The following EMCN variants were observed in gnomAD, a reference collection of about 807,000 sequenced individuals.
EMCN encodes endomucin, also known as MUC-14.
EMCN carries 37 observed loss-of-function variants against 38.4 expected under a neutral mutation model. The ratio of observed to expected loss-of-function variants is 0.96; its 90% CI spans 0.74 to 1.27. The LOEUF (loss-of-function observed/expected upper bound fraction) is 1.27. Among genes scored for constraint, EMCN ranks in the 50% most tolerant of loss-of-function variants. EMCN has a pLI of 0.00. For missense variants in EMCN, 318 were observed against 302.8 expected (o/e 1.05, Z -0.37); for synonymous variants, 95 against 100.8 (o/e 0.94, Z 0.35).
At chr4:100,446,743 C>T (rs1049716798) in intron 5 of EMCN, among the ~76,000 whole-genome samples, 2 of 152,120 alleles carry the variant, frequency 1.3e-5, no homozygotes, top group African/African-American at 2.4e-5. Flanking sequence ...CCTCCTCCTA[C>T]CCTCCACCCT....
At chr4:100,430,993 C>T (rs1483663531) in intron 5 of EMCN, among the ~76,000 whole-genome samples, 1 of 152,120 alleles carries the variant, frequency 6.6e-6, no homozygotes, top group Admixed American at 6.6e-5. Flanking sequence ...AAATAAACTA[C>T]CCCCTATAGA....
intron 10 of EMCN, among the ~76,000 whole-genome samples, chr4:100,412,995 C>G (rs964767): frequency 2.0e-5 from 3 of 152,110 alleles, no homozygotes; most frequent in Admixed American, 6.6e-5. Context: ...TTTGGCATCC[C>G]TTGGCATTTT....
At position 100,475,129 on chromosome 4, in the gene EMCN, T is replaced by G; in HGVS notation, c.188-20A>C. 1 of 1,246,474 alleles carries G rather than the reference T, an allele frequency of 8.0e-7. No homozygotes were observed. The highest frequency in any genetic ancestry group is 1.6e-5 in the South Asian group (1 of 60,876). 77.2% of individuals were successfully genotyped at this position (1,246,474 alleles called of 1,614,324 possible). A position where few individuals can be genotyped will look rare whatever the true frequency, so the allele number is the denominator to read the frequency against. On this transcript the variant is annotated intron_variant, in intron 2 of 11. Coordinates refer to ENST00000296420, the MANE Select transcript of EMCN (RefSeq NM_016242.4). The stretch of plus-strand genomic sequence containing the variant: ...TTGTTCCTAGTTTGATAAAATAGAT[T>G]AAATTATTATTAATCATAATCTCAT...
At chr4:100,450,971 G>C (rs868855420) in intron 4 of EMCN, among the ~76,000 whole-genome samples, 5 of 151,686 alleles carry the variant, frequency 3.3e-5, no homozygotes, top group African/African-American at 1.2e-4. Flanking sequence ...CAGTTTACTT[G>C]GTTATTTTAA....
Position 100,421,347 on chromosome 4 carries a change from A to T in EMCN, c.599T>A (p.Ile200Asn). ...SIILPVVIAL[I>N]VITLSVFVLV... Reference sequence around the variant, plus strand: ...AACAAATACTGAAAGTGTTATTACAATCAAAGCAATAACCACCGGCAAAAT... The same window carrying T: ...AACAAATACTGAAAGTGTTATTACATTCAAAGCAATAACCACCGGCAAAAT... Residue 200 changes from isoleucine to asparagine, a missense_variant, in exon 8 of 12, where the codon ATT (isoleucine) becomes AAT (asparagine). By Grantham distance (149) the Ile-to-Asn change is moderately radical. Coordinates refer to ENST00000296420, the MANE Select transcript of EMCN (RefSeq NM_016242.4). 6.2e-7 allele frequency: 1 copy of T among 1,612,836 alleles called. No homozygotes were observed. The highest frequency in any genetic ancestry group is 1.3e-5 in the African/African-American group (1 of 75,006).
intron 2 of EMCN, among the ~76,000 whole-genome samples, 187 bp downstream of exon 2, chr4:100,479,730 G>A (rs779177452): frequency 2.6e-5 from 4 of 151,324 alleles, no homozygotes; most frequent in African/African-American, 4.9e-5. Context: ...TCAACAAAGC[G>A]GCCCACTGAG....
At chr4:100,501,889 A>C (rs1483535334) in intron 1 of EMCN, among the ~76,000 whole-genome samples, 5 of 151,370 alleles carry the variant, frequency 3.3e-5, no homozygotes, top group Non-Finnish European at 5.9e-5. Context: ...TAAATACTGT[A>C]CTTAAACAAT....
chr4:100,455,130 C>T (rs1727973919), intron 4 of EMCN, among the ~76,000 whole-genome samples: 1 of 151,528 alleles, frequency 6.6e-6, no homozygotes, highest in Non-Finnish European at 1.5e-5. Context: ...TTGTTTATTG[C>T]CTTCTTTTGG....
chr4:100,429,588 G>A lies in EMCN; in HGVS notation c.416-6184C>T, dbSNP rs531206615. ...AATTTCCTTTGCTTTGCTTTGGGCC[G>A]TCAATGTTAGTAACCTGAGGTAATA... On this transcript the variant is annotated intron_variant, in intron 5 of 11. Transcript: ENST00000296420. 2.6e-5 allele frequency among the ~76,000 whole-genome samples: 4 copies of A among 152,212 alleles called. No homozygotes were observed. The East Asian group carries it at 5.8e-4, about 22-fold the overall frequency.
chr4:100,422,822 C>CTTT (rs71878999), intron 7 of EMCN, among the ~76,000 whole-genome samples, 199 bp downstream of exon 7: 3 of 122,654 alleles, frequency 2.4e-5, no homozygotes, highest in South Asian at 2.5e-4. Context: ...TCTTTCTTTT[C>CTTT]TTTTTTTTTT....
chr4:100,467,681 CAAAAAAAAAAA>C (rs3974786), intron 3 of EMCN, among the ~76,000 whole-genome samples: 1 of 83,630 alleles, frequency 1.2e-5, no homozygotes, highest in African/African-American at 5.3e-5. Flanking sequence ...GACTCCGTCT[CAAAAAAAAAAA>C]AAAAAAAAAG....
intron 2 of EMCN, 127 bp from the exon 3 acceptor site, chr4:100,475,236 T>C: frequency 2.4e-6 from 1 of 418,062 alleles, no homozygotes; most frequent in Admixed American, 4.3e-5. Context: ...TTTCCCATTT[T>C]CCAGTTCGTT....
chr4:100,465,406 C>A lies in EMCN; in HGVS notation c.376+17G>T, dbSNP rs765463872. Reference sequence around the variant, plus strand: ...AACACACTAGTTTAACACTTCAGCACAAATCCTCATACTTACTCTTGGGTT... The same window carrying A: ...AACACACTAGTTTAACACTTCAGCAAAAATCCTCATACTTACTCTTGGGTT... On this transcript the variant is annotated intron_variant, in intron 4 of 11. Coordinates refer to ENST00000296420, the MANE Select transcript of EMCN (RefSeq NM_016242.4). 4 of 1,481,454 alleles carry A rather than the reference C, an allele frequency of 2.7e-6. No individual in the cohort carries two copies. The East Asian group carries it at 9.2e-5, about 34-fold the overall frequency. 91.8% of individuals were successfully genotyped at this position (1,481,454 alleles called of 1,614,324 possible). A position where few individuals can be genotyped will look rare whatever the true frequency, so the allele number is the denominator to read the frequency against.
intron 4 of EMCN, among the ~76,000 whole-genome samples, chr4:100,450,822 G>A (rs957706123): frequency 2.6e-5 from 4 of 151,908 alleles, no homozygotes; most frequent in Admixed American, 6.6e-5. Flanking sequence ...TTGAAGCTGG[G>A]TGGGTAATTA....
At chr4:100,464,204 C>T (rs1203784394) in intron 4 of EMCN, among the ~76,000 whole-genome samples, 1 of 151,584 alleles carries the variant, frequency 6.6e-6, no homozygotes, top group Non-Finnish European at 1.5e-5. Context: ...TTTTGGATCA[C>T]CACTGTTAAC....
intron 5 of EMCN, among the ~76,000 whole-genome samples, chr4:100,426,650 G>T (rs1421565187): frequency 1.3e-5 from 2 of 152,164 alleles, no homozygotes; most frequent in Admixed American, 6.5e-5. Flanking sequence ...TTCTTATTGG[G>T]AGTAGAAATG....
At chr4:100,461,400 G>T (rs1442869796) in intron 4 of EMCN, among the ~76,000 whole-genome samples, 1 of 151,984 alleles carries the variant, frequency 6.6e-6, no homozygotes, top group Non-Finnish European at 1.5e-5. Context: ...TCATCCACTA[G>T]AAGGTAAATT....
intron 10 of EMCN, among the ~76,000 whole-genome samples, 159 bp from the exon 11 acceptor site, chr4:100,410,514 G>A (rs1726523053): frequency 6.6e-6 from 1 of 152,102 alleles, no homozygotes; most frequent in Non-Finnish European, 1.5e-5. Context: ...CTAGAAATTA[G>A]TCACCAAAAT....
chr4:100,440,611 G>GTATA (rs752206924), intron 5 of EMCN, among the ~76,000 whole-genome samples: 1 of 151,524 alleles, frequency 6.6e-6, no homozygotes, highest in Non-Finnish European at 1.5e-5. Flanking sequence ...TGGTGTGTGT[G>GTATA]TATATATATA....
Sources: gnomAD v4.1 joint callset for allele counts (sites outside exome capture counted in the v4.1 genomes callset) on GRCh38, gnomAD v4.1.1 for gene constraint, MANE v1.5 for transcripts, NCBI Gene and HGNC (gene_info 2026-07-23, HGNC 2026-07-21) for gene names.